ATCAY: variants seen among roughly 807,000 people sequenced by gnomAD.
ATCAY encodes ATCAY kinesin light chain interacting caytaxin, also known as caytaxin.
In ATCAY, 22 loss-of-function variants were observed where a neutral mutation model predicts 47.7. The ratio of observed to expected loss-of-function variants is 0.46; its 90% CI spans 0.33 to 0.66. ATCAY has a LOEUF of 0.66. Among genes scored for constraint, ATCAY ranks in the 30% least tolerant of loss-of-function variants. The pLI is 0.02. For missense variants in ATCAY, 452 were observed against 515.0 expected (o/e 0.88, Z 1.18); for synonymous variants, 216 against 207.6 (o/e 1.04, Z -0.35).
rs1272905341 is a variant in ATCAY at position 3,924,657 on chromosome 19, G to A, written c.*65G>A. 2.0e-5 allele frequency: 32 copies of A among 1,578,126 alleles called. No homozygotes were observed. The highest frequency in any genetic ancestry group is 1.8e-4 in the South Asian group (16 of 89,200). ...AGATGCCAGAAAACCTCTGTCAGAC[G>A]CCCACTGGCCCCAGATCTCATCCTG... On this transcript the variant is annotated 3_prime_UTR_variant, in exon 13 of 13. Transcript: ENST00000450849.
intron 8 of ATCAY, among the ~76,000 whole-genome samples, chr19:3,911,442 T>C (rs2145253590): frequency 6.6e-6 from 1 of 152,200 alleles, no homozygotes; most frequent in Non-Finnish European, 1.5e-5. Context: ...GAGGATCACT[T>C]GAGCCCAGGA....
intron 9 of ATCAY, among the ~76,000 whole-genome samples, chr19:3,915,621 G>A (rs558927780): frequency 8.7e-5 from 13 of 149,724 alleles, no homozygotes; most frequent in South Asian, 4.2e-4. Flanking sequence ...GCACGATCTC[G>A]GGTCACTGCA....
At position 3,881,819 on chromosome 19, in the gene ATCAY, G is replaced by A. The variant is rs902441081; in HGVS notation, c.-42+811G>A. 9.9e-5 allele frequency among the ~76,000 whole-genome samples: 15 copies of A among 151,360 alleles called. No homozygotes were observed. In the South Asian group the frequency reaches 1.5e-3, roughly 15 times the overall value. On this transcript the variant is annotated intron_variant, in intron 1 of 12. Transcript: ENST00000450849. The stretch of plus-strand genomic sequence containing the variant: ...GGAGAGCAAATGCGTTTCTACTGCC[G>A]AGGAGAACTTACCCTCGCGGGAAGG...
At chr19:3,904,067 C>T (rs573492783) in intron 3 of ATCAY, among the ~76,000 whole-genome samples, 2 of 151,902 alleles carry the variant, frequency 1.3e-5, no homozygotes, top group East Asian at 1.9e-4. Flanking sequence ...GCATGAGGAT[C>T]GCTTGAACCC....
intron 1 of ATCAY, among the ~76,000 whole-genome samples, chr19:3,881,378 T>C (rs2038597598): frequency 8.1e-6 from 1 of 123,440 alleles, no homozygotes; most frequent in African/African-American, 3.0e-5. Flanking sequence ...CAGCCGACGA[T>C]TTCGGGAAAA....
At chr19:3,881,404 C>A (rs2038598171) in intron 1 of ATCAY, among the ~76,000 whole-genome samples, 1 of 126,320 alleles carries the variant, frequency 7.9e-6, no homozygotes, top group Non-Finnish European at 1.7e-5. Context: ...AAAAAAAAAT[C>A]TAAGTGTGTC....
intron 9 of ATCAY, among the ~76,000 whole-genome samples, chr19:3,914,344 A>T (rs1432663788): frequency 6.6e-6 from 1 of 151,936 alleles, no homozygotes; most frequent in African/African-American, 2.4e-5. Context: ...AGAGAAGAGA[A>T]GGAAATTTGT....
At chr19:3,895,815 A>C (rs996069027) in intron 2 of ATCAY, among the ~76,000 whole-genome samples, 1 of 149,112 alleles carries the variant, frequency 6.7e-6, no homozygotes, top group African/African-American at 2.5e-5. Context: ...TCCCGGACTC[A>C]AACGATCCTC....
At chr19:3,902,409 T>C in intron 2 of ATCAY, 78 bp from the exon 3 acceptor site, 1 of 1,378,918 alleles carries the variant, frequency 7.3e-7, no homozygotes, top group Non-Finnish European at 1.0e-6. Context: ...TGGCTGGACC[T>C]GTCTGGGCCA....
intron 2 of ATCAY, among the ~76,000 whole-genome samples, chr19:3,889,673 G>A (rs768317921): frequency 2.0e-5 from 3 of 152,036 alleles, no homozygotes; most frequent in African/African-American, 4.8e-5. Flanking sequence ...CTTTGGAATC[G>A]GACGCCCATG....
intron 2 of ATCAY, among the ~76,000 whole-genome samples, chr19:3,895,621 G>C (rs140422438): frequency 5.3e-5 from 8 of 151,998 alleles, no homozygotes; most frequent in African/African-American, 1.9e-4. Flanking sequence ...CAGACTCTCT[G>C]AGACTCTCTT....
intron 9 of ATCAY, among the ~76,000 whole-genome samples, chr19:3,917,247 C>T (rs995517918): frequency 2.6e-5 from 4 of 151,720 alleles, no homozygotes; most frequent in Non-Finnish European, 5.9e-5. Context: ...GTTCATGCCA[C>T]TGCACTCCAG....
In ATCAY at chr19:3,899,037, A is replaced by C. The variant is rs373033513; in HGVS notation, c.78-3450A>C. On this transcript the variant is annotated intron_variant, in intron 2 of 12. Transcript: ENST00000450849. Reference sequence around the variant, plus strand: ...GGTTTTTATGAATTATGTTCATTCAAGTATGAGTTTTCGTGTGAACAGATG... The same window carrying C: ...GGTTTTTATGAATTATGTTCATTCACGTATGAGTTTTCGTGTGAACAGATG... Among the ~76,000 whole-genome samples, 17 of 152,260 alleles carry C rather than the reference A, an allele frequency of 1.1e-4. No individual in the cohort carries two copies. The East Asian group carries it at 2.5e-3, about 22-fold the overall frequency.
chr19:3,907,870 T>C lies in ATCAY; in HGVS notation c.495T>C (p.Arg165=), dbSNP rs762198748. ...TGATCATCGGGGAGCAAGAGCACCG[T>C]ATAGACCTGCACATGATCCGGCCTT... is the stretch of plus-strand genomic sequence containing the variant. ...RTVIIGEQEH[R]IDLHMIRPYM... Residue 165 remains arginine, a synonymous_variant, in exon 5 of 13, where the codon CGT becomes CGC. Coordinates refer to ENST00000450849, the MANE Select transcript of ATCAY (RefSeq NM_033064.5). This position sits in a 1 kb window ranked among gnomAD's most constrained non-coding sequence, Gnocchi z 5.1. The C allele has an allele frequency of 4.3e-6, 7 of 1,613,774 alleles. No homozygotes were observed.
At chr19:3,905,786 A>C in intron 4 of ATCAY, 131 bp downstream of exon 4, 1 of 754,690 alleles carries the variant, frequency 1.3e-6, no homozygotes, top group Non-Finnish European at 2.1e-6. Flanking sequence ...CCTTAAACCC[A>C]GGAGATCAAG....
intron 2 of ATCAY, among the ~76,000 whole-genome samples, chr19:3,890,685 G>A (rs780002203): frequency 2.0e-5 from 3 of 152,176 alleles, no homozygotes; most frequent in Non-Finnish European, 4.4e-5. Flanking sequence ...CAGCGGGAGC[G>A]GGAGGAGGGT....
chr19:3,893,364 G>T (rs907184232), intron 2 of ATCAY, among the ~76,000 whole-genome samples: 1 of 151,966 alleles, frequency 6.6e-6, no homozygotes, highest in Non-Finnish European at 1.5e-5. Context: ...ATTTTTAGTA[G>T]AGACGGGGTT....
Position 3,907,935 on chromosome 19 carries a change from CG to C in ATCAY, c.544+18del. ...ACCCACGGAGGTGAGACCCGCCCCC[CG>C]GTGCCCCCTTGGGGCTCCAGCCCGG... On this transcript the variant is annotated intron_variant, in intron 5 of 12. Coordinates refer to ENST00000450849, the MANE Select transcript of ATCAY (RefSeq NM_033064.5). This position sits in a 1 kb window ranked among gnomAD's most constrained non-coding sequence, Gnocchi z 5.1. The C allele has an allele frequency of 6.2e-7, 1 of 1,609,026 alleles. No homozygotes were observed. Among genetic ancestry groups the C allele is most frequent in the East Asian group, 2.2e-5 (1 of 44,606 alleles).
In ATCAY at chr19:3,885,810, G is replaced by T; in HGVS notation, c.43G>T (p.Val15Leu). The change falls in exon 2 of 13, where the codon GTG becomes TTG. Residue 15 changes from valine (V) to leucine (L), a missense_variant. Val to Leu is a conservative substitution (Grantham distance 32). Coordinates refer to ENST00000450849, the MANE Select transcript of ATCAY (RefSeq NM_033064.5). ...EATLRMENVD[V>L]KEEWQDEDLP... is the part of the protein sequence containing the mutation. ...CACGCTCCGGATGGAAAACGTGGAC[G>T]TGAAGGAGGAATGGCAGGACGAAGA... 6.4e-7 allele frequency: 1 copy of T among 1,552,394 alleles called. No individual in the cohort carries two copies. The highest frequency in any genetic ancestry group is 1.2e-5 in the South Asian group (1 of 84,056).
Sources: allele counts gnomAD v4.1 joint callset (sites outside exome capture counted in the v4.1 genomes callset), GRCh38; gene constraint gnomAD v4.1.1; non-coding constraint Gnocchi (gnomAD v3.1); transcripts MANE v1.5; gene names NCBI Gene and HGNC (gene_info 2026-07-23, HGNC 2026-07-21).